GSE1: variants seen among roughly 807,000 people sequenced by gnomAD.
The protein encoded by GSE1 is genetic suppressor element 1.
GSE1 carries 32 observed loss-of-function variants against 112.6 expected under a neutral mutation model. That is an observed-to-expected ratio of 0.28 (90% CI 0.21 to 0.38). The LOEUF (loss-of-function observed/expected upper bound fraction) is 0.38. Ranked by LOEUF, GSE1 falls within the 10% of genes least tolerant of loss-of-function variation. The pLI is 1.00. For synonymous variants in GSE1, 1,115 were observed against 735.6 expected, an observed-to-expected ratio of 1.52 and a Z score of -8.35; for missense variants, 2,348 against 1,699.2, an observed-to-expected ratio of 1.38 and a Z score of -6.71.
At chr16:85,280,078 G>C (rs956681239) in intron 1 of GSE1, among the ~76,000 whole-genome samples, 1 of 152,162 alleles carries the variant, frequency 6.6e-6, no homozygotes, top group African/African-American at 2.4e-5. Context: ...TTGGCAACAC[G>C]CCCAGCGCTC....
At chr16:85,363,930 T>C (rs1367837184) in intron 2 of GSE1, among the ~76,000 whole-genome samples, 2 of 152,228 alleles carry the variant, frequency 1.3e-5, no homozygotes, top group East Asian at 3.8e-4. Context: ...CCGATCACCA[T>C]GGCAGGGGCT....
chr16:85,298,372 C>G (rs941735287), intron 1 of GSE1, among the ~76,000 whole-genome samples: 4 of 152,212 alleles, frequency 2.6e-5, no homozygotes, highest in African/African-American at 9.6e-5. Context: ...ACCCGCTGAG[C>G]AGGGCTATCA....
At chr16:85,589,885 T>C (rs2046905338) in intron 1 of GSE1, among the ~76,000 whole-genome samples, 1 of 151,946 alleles carries the variant, frequency 6.6e-6, no homozygotes, top group Non-Finnish European at 1.5e-5. Context: ...ACATTGTGTG[T>C]GAAGGAATGT....
chr16:85,361,314 C>G (rs543927811), intron 2 of GSE1, among the ~76,000 whole-genome samples: 5 of 45,246 alleles, frequency 1.1e-4, no homozygotes, highest in Admixed American at 2.7e-4. Context: ...CAGGCACAGA[C>G]CCCCCCACAC....
chr16:85,573,251 G>C (rs2046084441), intron 1 of GSE1, among the ~76,000 whole-genome samples: 1 of 152,118 alleles, frequency 6.6e-6, no homozygotes, highest in Non-Finnish European at 1.5e-5. Flanking sequence ...TTCACTTTCT[G>C]AGTAGCGGTG....
intron 1 of GSE1, among the ~76,000 whole-genome samples, chr16:85,237,001 G>A (rs1250900613): frequency 6.6e-6 from 1 of 152,188 alleles, no homozygotes; most frequent in Non-Finnish European, 1.5e-5. Flanking sequence ...ATTTCAAGCT[G>A]GTGTCTCACA....
chr16:85,489,919 A>C (rs945889808), intron 2 of GSE1: 1 of 152,082 alleles, frequency 6.6e-6, no homozygotes, highest in Non-Finnish European at 1.5e-5. Context: ...CGTGGCAGCC[A>C]CAGCCACGCA....
intron 2 of GSE1, among the ~76,000 whole-genome samples, chr16:85,388,336 A>ATGGG (rs2047747085): frequency 4.8e-5 from 2 of 41,316 alleles, no homozygotes; most frequent in Non-Finnish European, 9.8e-5. Flanking sequence ...GGATGAATGG[A>ATGGG]TGTATGGCTG....
intron 1 of GSE1, among the ~76,000 whole-genome samples, chr16:85,601,293 G>T (rs1042409023): frequency 1.3e-5 from 2 of 152,020 alleles, no homozygotes; most frequent in Admixed American, 1.3e-4. Flanking sequence ...GAGGGGAGCA[G>T]CCCCAGGAGA....
At chr16:85,527,104 C>T (rs990355186) in intron 2 of GSE1, among the ~76,000 whole-genome samples, 6 of 152,190 alleles carry the variant, frequency 3.9e-5, no homozygotes, top group Non-Finnish European at 5.9e-5. Flanking sequence ...CCGTGGACTG[C>T]GCCCCACCTC....
At chr16:85,383,737 G>C (rs2151627687) in intron 2 of GSE1, among the ~76,000 whole-genome samples, 1 of 152,298 alleles carries the variant, frequency 6.6e-6, no homozygotes, top group Non-Finnish European at 1.5e-5. Flanking sequence ...GCTGGCTCGT[G>C]AGGGTGGCTG....
chr16:85,587,563 G>A (rs535182971), intron 1 of GSE1, among the ~76,000 whole-genome samples: 1 of 152,176 alleles, frequency 6.6e-6, no homozygotes, highest in African/African-American at 2.4e-5. Context: ...GTACATCCAG[G>A]TACGATCCTG....
At chr16:85,466,300 C>T (rs551426453) in intron 2 of GSE1, among the ~76,000 whole-genome samples, 12 of 152,334 alleles carry the variant, frequency 7.9e-5, no homozygotes, top group East Asian at 3.9e-4. Flanking sequence ...GCAGTTGCCA[C>T]GCAGGCGTGG....
intron 7 of GSE1, among the ~76,000 whole-genome samples, chr16:85,656,907 G>C (rs2052007998): frequency 6.6e-6 from 1 of 152,244 alleles, no homozygotes; most frequent in African/African-American, 2.4e-5. Context: ...ATTAGGAAGG[G>C]ATGTTTTGAG....
chr16:85,532,726 G>A (rs552504701), intron 2 of GSE1, among the ~76,000 whole-genome samples: 1 of 152,382 alleles, frequency 6.6e-6, no homozygotes, highest in African/African-American at 2.4e-5. Context: ...TGTGGCTCCA[G>A]GTGGAGACTC....
chr16:85,483,800 A>C (rs2050754870), intron 2 of GSE1, among the ~76,000 whole-genome samples: 2 of 152,228 alleles, frequency 1.3e-5, no homozygotes, highest in African/African-American at 4.8e-5. Context: ...TAGACTTTAA[A>C]TAAGGGTGTG....
chr16:85,268,561 G>T (rs910026213), intron 1 of GSE1, among the ~76,000 whole-genome samples: 4 of 152,118 alleles, frequency 2.6e-5, no homozygotes, highest in African/African-American at 9.7e-5. Flanking sequence ...CTTCATCCTC[G>T]TTCAGGTGTC....
chr16:85,420,637 A>G (rs1446596305), intron 2 of GSE1, among the ~76,000 whole-genome samples: 3 of 152,128 alleles, frequency 2.0e-5, no homozygotes, highest in Admixed American at 6.5e-5. Flanking sequence ...AGATGAGGCC[A>G]GCCCACTCGG....
At chr16:85,237,841 C>CA (rs143803090) in intron 1 of GSE1, among the ~76,000 whole-genome samples, 36,423 of 140,274 alleles carry the variant, frequency 0.26, 5,243 homozygotes, top group East Asian at 0.52. Context: ...CTGTCCCCCG[C>CA]AAAAAAAAAG....
Sources: allele counts gnomAD v4.1 joint callset (sites outside exome capture counted in the v4.1 genomes callset), GRCh38; gene constraint gnomAD v4.1.1; transcripts MANE v1.5; gene names NCBI Gene and HGNC (gene_info 2026-07-23, HGNC 2026-07-21).